The following NAA11 variants were observed in gnomAD, a reference collection of about 807,000 sequenced individuals.
NAA11 encodes the protein N-alpha-acetyltransferase 11.
A neutral mutation model predicts 16.1 loss-of-function variants in NAA11; 15 were observed. The observed-to-expected ratio is 0.93, with a 90% CI of 0.62 to 1.44. NAA11 has a LOEUF of 1.44. Ranked by LOEUF, NAA11 falls within the 40% of genes most tolerant of loss-of-function variation. The pLI is 0.00. For missense variants in NAA11, 298 were observed against 291.3 expected (o/e 1.02, Z -0.17); for synonymous variants, 122 against 112.4 (o/e 1.09, Z -0.54).
chr4:79,276,411 C>T (rs564359392), intron 2 of NAA11, among the ~76,000 whole-genome samples: 2 of 152,074 alleles, frequency 1.3e-5, no homozygotes, highest in Non-Finnish European at 2.9e-5. Flanking sequence ...CAAGCTCTCT[C>T]TCTGCTATAT....
At chr4:79,224,231 C>T (rs1047434291), downstream of NAA11, among the ~76,000 whole-genome samples, 10 of 152,154 alleles carry the variant, frequency 6.6e-5, no homozygotes, top group South Asian at 8.3e-4. Flanking sequence ...ATTCCAAGGG[C>T]GGCCACTGCT....
At chr4:79,199,883 C>T in the NAA11 span, among the ~76,000 whole-genome samples, 1 of 151,800 alleles carries the variant, frequency 6.6e-6, no homozygotes, top group African/African-American at 2.4e-5. Context: ...GTCTATGGAG[C>T]TTTGTTCATG....
At chr4:79,169,100 A>G in the NAA11 span, among the ~76,000 whole-genome samples, 12 of 152,204 alleles carry the variant, frequency 7.9e-5, no homozygotes, top group African/African-American at 2.9e-4. Flanking sequence ...TCAAGGAAAT[A>G]AGAGAGGACA....
At chr4:79,201,939 T>C in the NAA11 span, among the ~76,000 whole-genome samples, 3 of 151,768 alleles carry the variant, frequency 2.0e-5, no homozygotes, top group Admixed American at 2.0e-4. Flanking sequence ...ATAATAATTG[T>C]ACATATTGTG....
chr4:79,310,016 A>G (rs2110009901), intron 1 of NAA11, among the ~76,000 whole-genome samples: 1 of 152,234 alleles, frequency 6.6e-6, no homozygotes, highest in East Asian at 1.9e-4. Context: ...CACCCTGCCT[A>G]TTCTATCGTT....
chr4:79,189,149 A>AAAAAAAAAAAAAAAAAAC, the NAA11 span, among the ~76,000 whole-genome samples: 1 of 146,154 alleles, frequency 6.8e-6, no homozygotes. Context: ...CCATCTCAAA[A>AAAAAAAAAAAAAAAAAAC]AAAAAAAAAA....
the NAA11 span, among the ~76,000 whole-genome samples, chr4:79,217,207 TG>T: frequency 6.6e-6 from 1 of 152,160 alleles, no homozygotes; most frequent in African/African-American, 2.4e-5. Flanking sequence ...TGGCAGGCTT[TG>T]GGATGCAGAT....
At chr4:79,206,915 A>G in the NAA11 span, among the ~76,000 whole-genome samples, 1 of 152,162 alleles carries the variant, frequency 6.6e-6, no homozygotes, top group Non-Finnish European at 1.5e-5. Flanking sequence ...TCAAAGAACA[A>G]GAATTTCAAA....
intron 2 of NAA11, among the ~76,000 whole-genome samples, chr4:79,278,872 T>A (rs977550253): frequency 2.0e-5 from 3 of 152,112 alleles, no homozygotes; most frequent in African/African-American, 7.2e-5. Context: ...CAGAAATTTG[T>A]TTCCCACAGT....
At chr4:79,229,301 A>G (rs1721402850) in intron 2 of NAA11, among the ~76,000 whole-genome samples, 1 of 151,886 alleles carries the variant, frequency 6.6e-6, no homozygotes, top group Admixed American at 6.6e-5. Flanking sequence ...TTCCAGTACT[A>G]TTTCTTCAGA....
At chr4:79,248,626 C>G (rs1186893510) in intron 2 of NAA11, among the ~76,000 whole-genome samples, 2 of 152,200 alleles carry the variant, frequency 1.3e-5, no homozygotes, top group Non-Finnish European at 1.5e-5. Context: ...CAAACCTGTG[C>G]CTGGAGAACA....
chr4:79,216,041 A>G, the NAA11 span, among the ~76,000 whole-genome samples: 1 of 152,182 alleles, frequency 6.6e-6, no homozygotes, highest in Non-Finnish European at 1.5e-5. Context: ...ACTCTGTTCT[A>G]TTCTTTATAA....
At chr4:79,252,356 A>C (rs2109968728) in intron 2 of NAA11, among the ~76,000 whole-genome samples, 1 of 152,336 alleles carries the variant, frequency 6.6e-6, no homozygotes, top group East Asian at 1.9e-4. Context: ...CACTCATTCA[A>C]CATTATTTAT....
At chr4:79,258,288 A>G (rs751197151) in intron 2 of NAA11, among the ~76,000 whole-genome samples, 2 of 152,272 alleles carry the variant, frequency 1.3e-5, no homozygotes, top group Non-Finnish European at 2.9e-5. Flanking sequence ...TCCTGGGAGC[A>G]GTGGCAGCTA....
chr4:79,288,386 T>C (rs1184033990), intron 2 of NAA11, among the ~76,000 whole-genome samples: 1 of 152,212 alleles, frequency 6.6e-6, no homozygotes, highest in Non-Finnish European at 1.5e-5. Context: ...AAAAACATTA[T>C]GCAAGGTCAG....
intron 2 of NAA11, among the ~76,000 whole-genome samples, chr4:79,244,201 C>T (rs1300800870): frequency 6.6e-6 from 1 of 152,176 alleles, no homozygotes; most frequent in Non-Finnish European, 1.5e-5. Context: ...TTTAGAGAGG[C>T]ATTGCGATAA....
At chr4:79,190,977 C>G in the NAA11 span, among the ~76,000 whole-genome samples, 1 of 152,168 alleles carries the variant, frequency 6.6e-6, no homozygotes, top group Non-Finnish European at 1.5e-5. Context: ...CCAGCTCCAT[C>G]TATATTCCCG....
At chr4:79,292,019 G>T (rs936877393) in intron 2 of NAA11, among the ~76,000 whole-genome samples, 1 of 152,136 alleles carries the variant, frequency 6.6e-6, no homozygotes, top group Non-Finnish European at 1.5e-5. Context: ...TGGAGAGAGA[G>T]ATGGCTACTT....
chr4:79,188,781 G>A, the NAA11 span, among the ~76,000 whole-genome samples: 1 of 152,112 alleles, frequency 6.6e-6, no homozygotes, highest in Non-Finnish European at 1.5e-5. Context: ...ATGATTTGCT[G>A]TTGAATTTCA....
Sources: allele counts gnomAD v4.1 joint callset (sites outside exome capture counted in the v4.1 genomes callset), GRCh38; gene constraint gnomAD v4.1.1; transcripts MANE v1.5; gene names NCBI Gene and HGNC (gene_info 2026-07-23, HGNC 2026-07-21).